CDK14: variants seen among roughly 807,000 people sequenced by gnomAD.
CDK14 encodes the protein cyclin-dependent kinase 14.
Under a neutral mutation model 60.7 loss-of-function variants are expected in CDK14, and 34 were observed. The observed-to-expected ratio is 0.56, with a 90% confidence interval of 0.43 to 0.75. The LOEUF is 0.75. CDK14 is among the 30% of genes least tolerant of loss of function. The pLI is 0.00. For synonymous variants in CDK14, 197 were observed against 203.7 expected (o/e 0.97, Z 0.28); for missense variants, 482 against 564.1 (o/e 0.85, Z 1.47).
intron 11 of CDK14, among the ~76,000 whole-genome samples, chr7:91,072,799 G>A (rs772703271): frequency 8.3e-4 from 126 of 152,098 alleles, no homozygotes; most frequent in Non-Finnish European, 9.9e-4. Context: ...CTTCTAACTA[G>A]AATAACCAGT....
intron 10 of CDK14, among the ~76,000 whole-genome samples, chr7:91,010,024 CATTGCCATTTGT>C (rs1353551208): frequency 5.9e-5 from 9 of 151,854 alleles, no homozygotes; most frequent in African/African-American, 1.9e-4. Context: ...TTAATTTTTC[CATTGCCATTTGT>C]GGAAAAGACT....
chr7:90,989,654 A>G lies in CDK14; in HGVS notation c.1041+5413A>G, dbSNP rs143655457. On this transcript the variant is annotated intron_variant, in intron 10 of 14. Coordinates refer to ENST00000380050, the MANE Select transcript of CDK14 (RefSeq NM_001287135.2). ...AGACCCAGCAATAACGGTGGATTCTATATTAGTTAAAATACTGAACGCTAA... is the reference window on the plus strand; with the variant it reads ...AGACCCAGCAATAACGGTGGATTCTGTATTAGTTAAAATACTGAACGCTAA... 3.9e-5 allele frequency among the ~76,000 whole-genome samples: 6 copies of G among 152,304 alleles called. No homozygotes were observed. The East Asian group carries it at 7.7e-4, about 20-fold the overall frequency.
At position 90,716,070 on chromosome 7, in the gene CDK14, G is replaced by A. The variant is rs138928534; in HGVS notation, c.124-10497G>A. Among the ~76,000 whole-genome samples the A allele has an allele frequency of 2.2e-3, 336 of 151,974 alleles. 3 individuals are homozygous for A. The highest frequency in any genetic ancestry group is 3.4e-3 in the Middle Eastern group (1 of 294). ...GCATTTTAACCAGCATATAATTGTG[G>A]ATGTCAACTGGAAGTCAGAAAATGT... On this transcript the variant is annotated intron_variant, in intron 2 of 14. Transcript: ENST00000380050.
chr7:90,736,362 T>G (rs1338644813), intron 3 of CDK14, among the ~76,000 whole-genome samples: 1 of 147,504 alleles, frequency 6.8e-6, no homozygotes, highest in Non-Finnish European at 1.5e-5. Context: ...TTTTTTTTTT[T>G]TTTTTTTTTT....
chr7:90,956,238 T>C (rs917071510), intron 9 of CDK14, among the ~76,000 whole-genome samples: 2 of 152,170 alleles, frequency 1.3e-5, no homozygotes, highest in African/African-American at 4.8e-5. Context: ...CCAGTTTGAC[T>C]CACAGTATGT....
At chr7:90,755,443 T>C (rs1041745434) in intron 4 of CDK14, among the ~76,000 whole-genome samples, 3 of 152,044 alleles carry the variant, frequency 2.0e-5, no homozygotes, top group Non-Finnish European at 4.4e-5. Context: ...TTGGGAACAA[T>C]AGACACTGGA....
At chr7:90,943,196 A>G (rs1793987109) in intron 8 of CDK14, among the ~76,000 whole-genome samples, 1 of 152,210 alleles carries the variant, frequency 6.6e-6, no homozygotes, top group South Asian at 2.1e-4. Flanking sequence ...TGTGTTTTAC[A>G]GAGACTTAGT....
At chr7:90,797,086 A>G (rs916033344) in intron 5 of CDK14, among the ~76,000 whole-genome samples, 1 of 151,810 alleles carries the variant, frequency 6.6e-6, no homozygotes, top group East Asian at 2.0e-4. Context: ...TTTGTTTTTC[A>G]TCCATGTACA....
chr7:90,810,205 G>A (rs990579393), intron 5 of CDK14, among the ~76,000 whole-genome samples: 2 of 152,092 alleles, frequency 1.3e-5, no homozygotes, highest in African/African-American at 4.8e-5. Flanking sequence ...CATGAACATC[G>A]ATGCAGAAAT....
chr7:90,843,297 C>T (rs1790361411), intron 5 of CDK14, among the ~76,000 whole-genome samples: 1 of 152,052 alleles, frequency 6.6e-6, no homozygotes, highest in South Asian at 2.1e-4. Context: ...CTCATATATA[C>T]TTGTCACACA....
At chr7:90,654,313 CAG>C (rs760368507) in intron 2 of CDK14, among the ~76,000 whole-genome samples, 5 of 152,096 alleles carry the variant, frequency 3.3e-5, no homozygotes, top group Non-Finnish European at 7.4e-5. Context: ...AGCAGAGTGA[CAG>C]AGAGAGAATC....
chr7:91,167,952 G>A (rs1186691451), intron 14 of CDK14, among the ~76,000 whole-genome samples: 1 of 152,152 alleles, frequency 6.6e-6, no homozygotes, highest in South Asian at 2.1e-4. Flanking sequence ...TTTTGGAAGA[G>A]GGTGCTATAA....
intron 5 of CDK14, among the ~76,000 whole-genome samples, chr7:90,803,751 A>T (rs1451126649): frequency 1.3e-5 from 2 of 152,192 alleles, no homozygotes; most frequent in African/African-American, 2.4e-5. Context: ...GATCTAGTTT[A>T]ATTTTTAATT....
chr7:91,035,443 A>G (rs1195073008), intron 10 of CDK14, among the ~76,000 whole-genome samples: 2 of 152,136 alleles, frequency 1.3e-5, no homozygotes, highest in Non-Finnish European at 2.9e-5. Flanking sequence ...CCTTGTTGTC[A>G]TGTGGCTCCG....
At chr7:90,647,380 C>A (rs1800491586) in intron 2 of CDK14, among the ~76,000 whole-genome samples, 1 of 152,058 alleles carries the variant, frequency 6.6e-6, no homozygotes, top group South Asian at 2.1e-4. Context: ...CCTTGCTTGG[C>A]TTTGCTTGCT....
At chr7:90,973,409 G>A (rs1332649462) in intron 9 of CDK14, among the ~76,000 whole-genome samples, 2 of 152,040 alleles carry the variant, frequency 1.3e-5, no homozygotes, top group East Asian at 3.9e-4. Context: ...TCGGTCCTAA[G>A]GAATCCCAAG....
chr7:90,794,962 A>G (rs543811485), intron 5 of CDK14, among the ~76,000 whole-genome samples: 21 of 152,316 alleles, frequency 1.4e-4, no homozygotes, highest in Admixed American at 3.3e-4. Flanking sequence ...TTCTTCTGCC[A>G]TGGCTTCAGC....
At chr7:90,860,398 C>T (rs961026218) in intron 5 of CDK14, among the ~76,000 whole-genome samples, 6 of 151,694 alleles carry the variant, frequency 4.0e-5, no homozygotes, top group Non-Finnish European at 5.9e-5. Flanking sequence ...ATCCAAAAGG[C>T]GGAAAACTAA....
chr7:91,194,736 C>A (rs1432496596), intron 14 of CDK14, among the ~76,000 whole-genome samples: 1 of 152,162 alleles, frequency 6.6e-6, no homozygotes, highest in Non-Finnish European at 1.5e-5. Flanking sequence ...TAAGATCTTT[C>A]TGGGATGTGC....
Sources: allele counts gnomAD v4.1 joint callset (sites outside exome capture counted in the v4.1 genomes callset), GRCh38; gene constraint gnomAD v4.1.1; transcripts MANE v1.5; gene names NCBI Gene and HGNC (gene_info 2026-07-23, HGNC 2026-07-21).